MAN2A1: variants seen among roughly 807,000 people sequenced by gnomAD.
The protein encoded by MAN2A1 is mannosidase alpha class 2A member 1.
Under a neutral mutation model 142.6 loss-of-function variants are expected in MAN2A1, and 76 were observed. The ratio of observed to expected loss-of-function variants is 0.53; its 90% CI spans 0.44 to 0.65. MAN2A1 has a LOEUF of 0.65. Among genes scored for constraint, MAN2A1 ranks in the 30% least tolerant of loss-of-function variants. MAN2A1 has a pLI of 0.00. For missense variants in MAN2A1, 1,311 were observed against 1,365.1 expected (o/e 0.96, Z 0.62); for synonymous variants, 559 against 473.2 (o/e 1.18, Z -2.35).
chr5:109,868,917 C>T lies in MAN2A1; in HGVS notation c.*1919C>T, dbSNP rs1755948846. On this transcript the variant is annotated 3_prime_UTR_variant, in exon 22 of 22. Coordinates refer to ENST00000261483, the MANE Select transcript of MAN2A1 (RefSeq NM_002372.4). ...TTAAGTGGGTGTGCTTAATCATTCTCGAAATTGTGATCAGATGAAATAAAA... is the reference window on the plus strand; with the variant it reads ...TTAAGTGGGTGTGCTTAATCATTCTTGAAATTGTGATCAGATGAAATAAAA... The T allele has an allele frequency of 6.6e-6, 1 of 151,828 alleles. No homozygotes were observed. The highest frequency in any genetic ancestry group is 6.6e-5 in the Admixed American group (1 of 15,238). 9.4% of individuals were successfully genotyped at this position (151,828 alleles called of 1,614,324 possible). A position where few individuals can be genotyped will look rare whatever the true frequency, so the allele number is the denominator to read the frequency against.
At chr5:109,697,067 A>G (rs566379013) in intron 1 of MAN2A1, among the ~76,000 whole-genome samples, 8 of 152,358 alleles carry the variant, frequency 5.3e-5, no homozygotes, top group Admixed American at 5.2e-4. Context: ...TAAATAGATC[A>G]TCTTTTACTT....
chr5:109,847,986 A>AT (rs1224313923), intron 19 of MAN2A1, among the ~76,000 whole-genome samples, 196 bp downstream of exon 19: 1 of 152,138 alleles, frequency 6.6e-6, no homozygotes, highest in African/African-American at 2.4e-5. Flanking sequence ...AGGTCTTTTT[A>AT]TTTTTTATGT....
intron 20 of MAN2A1, chr5:109,864,373 AC>A (rs1168150170): frequency 3.9e-5 from 6 of 152,256 alleles, no homozygotes; most frequent in African/African-American, 1.4e-4. Context: ...AGGTATACTG[AC>A]CCTCTTAGCT....
At chr5:109,715,501 T>C (rs1751428033) in intron 2 of MAN2A1, among the ~76,000 whole-genome samples, 1 of 152,048 alleles carries the variant, frequency 6.6e-6, no homozygotes, top group Non-Finnish European at 1.5e-5. Context: ...ATTGAAAAGC[T>C]AGAAAACAAT....
chr5:109,789,036 C>T lies in MAN2A1; in HGVS notation c.1863C>T (p.Thr621=). 1 of 1,539,534 alleles carries T rather than the reference C, an allele frequency of 6.5e-7. No homozygotes were observed. The highest frequency in any genetic ancestry group is 2.3e-5 in the East Asian group (1 of 43,944). ...KLTYDSYSPD[T]FLEMDLKQKS... The stretch of plus-strand genomic sequence containing the variant: ...CATACGACTCTTACTCTCCTGATAC[C>T]TTCCTGGAGATGGTTAGTAATTTCA... The change falls in exon 11 of 22, where the codon ACC becomes ACT. Residue 621 remains threonine, a synonymous_variant. Transcript: ENST00000261483.
rs539030972 is a variant in MAN2A1 at position 109,843,826 on chromosome 5, G to T, written c.2700+1365G>T. 1.6e-4 allele frequency among the ~76,000 whole-genome samples: 24 copies of T among 152,124 alleles called. 2 individuals carry two copies. In the East Asian group the frequency reaches 4.4e-3, roughly 28 times the overall value. On this transcript the variant is annotated intron_variant, in intron 17 of 21. Transcript: ENST00000261483. ...TGTATGTGTTTGATAACATATCTTT[G>T]AAATACCATTAAAACCATGAGCATG...
At chr5:109,816,031 GGATGCA>G (rs1754448141) in intron 12 of MAN2A1, among the ~76,000 whole-genome samples, 1 of 152,168 alleles carries the variant, frequency 6.6e-6, no homozygotes, top group Non-Finnish European at 1.5e-5. Context: ...ACCTTGCAGA[GGATGCA>G]GATTTCATGA....
chr5:109,704,932 A>G (rs895626034), intron 1 of MAN2A1, among the ~76,000 whole-genome samples: 1 of 152,070 alleles, frequency 6.6e-6, no homozygotes, highest in African/African-American at 2.4e-5. Flanking sequence ...TGGCCACTCA[A>G]GTTTATATAT....
In MAN2A1 at chr5:109,692,178, C is replaced by T. The variant is rs115871147; in HGVS notation, c.135+1626C>T. Among the ~76,000 whole-genome samples, 628 of 152,286 alleles carry T rather than the reference C, an allele frequency of 4.1e-3. 7 individuals carry two copies. Among genetic ancestry groups the T allele is most frequent in the African/African-American group, 0.014 (590 of 41,560 alleles). The stretch of plus-strand genomic sequence containing the variant: ...AATCTAAAGACATGAGTGACTCATT[C>T]AGTTACTGAGAAATCTTAGGCAAAG... On this transcript the variant is annotated intron_variant, in intron 1 of 21. Transcript: ENST00000261483.
At chr5:109,861,346 A>G (rs1487951692) in intron 20 of MAN2A1, among the ~76,000 whole-genome samples, 2 of 152,236 alleles carry the variant, frequency 1.3e-5, no homozygotes, top group Non-Finnish European at 2.9e-5. Context: ...ATAATGAGGT[A>G]AAAACATTGC....
chr5:109,786,815 G>A (rs1753606845), intron 10 of MAN2A1, among the ~76,000 whole-genome samples: 1 of 151,926 alleles, frequency 6.6e-6, no homozygotes. Context: ...GGTGCATTTG[G>A]CTGCGAGTAA....
chr5:109,848,143 T>A (rs185562210), intron 19 of MAN2A1, among the ~76,000 whole-genome samples: 1 of 152,304 alleles, frequency 6.6e-6, no homozygotes, highest in African/African-American at 2.4e-5. Context: ...GAGATTAAAT[T>A]TGGTAAACTT....
At chr5:109,863,241 A>T (rs1055400811) in intron 20 of MAN2A1, 1 of 152,214 alleles carries the variant, frequency 6.6e-6, no homozygotes, top group Non-Finnish European at 1.5e-5. Flanking sequence ...ACGACTCTAG[A>T]CATATAATTT....
At chr5:109,692,876 A>C (rs536869533) in intron 1 of MAN2A1, among the ~76,000 whole-genome samples, 1 of 152,142 alleles carries the variant, frequency 6.6e-6, no homozygotes, top group Admixed American at 6.5e-5. Flanking sequence ...TTAGATTCTC[A>C]TAAGGACCAT....
chr5:109,820,458 A>G, intron 15 of MAN2A1, 116 bp downstream of exon 15: 2 of 1,056,754 alleles, frequency 1.9e-6, no homozygotes, highest in Non-Finnish European at 2.7e-6. Context: ...GGATAGATGA[A>G]CTTTTGGTTG....
chr5:109,831,329 C>T (rs1754901884), intron 16 of MAN2A1, among the ~76,000 whole-genome samples: 1 of 152,056 alleles, frequency 6.6e-6, no homozygotes, highest in South Asian at 2.1e-4. Context: ...AAAGCATGGT[C>T]ATTAAGGATT....
At chr5:109,829,274 T>C (rs10477978) in intron 16 of MAN2A1, among the ~76,000 whole-genome samples, 12,876 of 152,222 alleles carry the variant, frequency 0.085, 638 homozygotes, top group African/African-American at 0.15. Context: ...ATTAGCACTG[T>C]AAGTGACTGC....
In MAN2A1 at chr5:109,842,806, G is replaced by GTTTTTTTTTTTTTTTTTTT. The variant is rs768238978; in HGVS notation, c.2700+362_2700+363insTTTTTTTTTTTTTTTTTTT. Among the ~76,000 whole-genome samples the GTTTTTTTTTTTTTTTTTTT allele has an allele frequency of 1.7e-3, 199 of 116,150 alleles. 18 individuals are homozygous for GTTTTTTTTTTTTTTTTTTT. Among genetic ancestry groups the GTTTTTTTTTTTTTTTTTTT allele is most frequent in the African/African-American group, 5.2e-3 (160 of 30,750 alleles). 76.2% of individuals were successfully genotyped at this position (116,150 alleles called of 152,430 possible). ...GGGATTGATGGATTATACTTATTGG[G>GTTTTTTTTTTTTTTTTTTT]TTTTTTTTTTTTTTTTTGAGAAAGA... On this transcript the variant is annotated intron_variant, in intron 17 of 21. Transcript: ENST00000261483.
rs76793986 is a variant in MAN2A1 at position 109,840,807 on chromosome 5, G to A, written c.2567-1521G>A. The A allele has an allele frequency of 4.5e-3, 1,051 of 232,306 alleles. 7 individuals carry two copies. Among genetic ancestry groups the A allele is most frequent in the Non-Finnish European group, 7.4e-3 (872 of 117,722 alleles). 14.4% of individuals were successfully genotyped at this position (232,306 alleles called of 1,614,324 possible). On this transcript the variant is annotated intron_variant, in intron 16 of 21. Transcript: ENST00000261483. ...ACACTGGGAACCTGTGTGGTGCGCC[G>A]GAGTCCTGAGGAGAAGCCTTGTGTT...
Sources: allele counts gnomAD v4.1 joint callset (sites outside exome capture counted in the v4.1 genomes callset), GRCh38; gene constraint gnomAD v4.1.1; transcripts MANE v1.5; gene names NCBI Gene and HGNC (gene_info 2026-07-23, HGNC 2026-07-21).